Variants in SPRYD3 observed in about 807,000 individuals in gnomAD.
The protein encoded by SPRYD3 is SPRY domain containing 3, also known as SPRY domain-containing protein 3.
In SPRYD3, 17 loss-of-function variants were observed where a neutral mutation model predicts 50.1. That is an observed-to-expected ratio of 0.34 (90% CI 0.23 to 0.51). The LOEUF (loss-of-function observed/expected upper bound fraction) is 0.51, where lower values mean the gene tolerates loss of function less well. Among genes scored for constraint, SPRYD3 ranks in the 20% least tolerant of loss-of-function variants. SPRYD3 has a pLI of 0.97. For synonymous variants in SPRYD3, 198 were observed against 215.5 expected (o/e 0.92, Z 0.71); for missense variants, 401 against 591.2 (o/e 0.68, Z 3.34).
At chr12:53,075,539 C>T (rs1370385519) in intron 3 of SPRYD3, among the ~76,000 whole-genome samples, 197 bp downstream of exon 3, 2 of 152,120 alleles carry the variant, frequency 1.3e-5, no homozygotes, top group African/African-American at 2.4e-5. Flanking sequence ...GCAGAAGGGA[C>T]AGGGTGACAG....
Position 53,074,133 on chromosome 12 carries a change from G to A in SPRYD3, c.507+516C>T, listed in dbSNP as rs1387861787. On this transcript the variant is annotated intron_variant, in intron 5 of 10. Transcript: ENST00000301463. The surrounding 1 kb of genome is among the most constrained non-coding windows in gnomAD (Gnocchi z 4.6). ...TCCCAATGTGGGAGATGGAGTTGGA[G>A]AGAAGGGAGAGAGCTGTGTGTCTCT... Among the ~76,000 whole-genome samples, 1 of 152,188 alleles carries A rather than the reference G, an allele frequency of 6.6e-6. No individual in the cohort carries two copies. Among genetic ancestry groups the A allele is most frequent in the Non-Finnish European group, 1.5e-5 (1 of 68,016 alleles).
intron 3 of SPRYD3, 44 bp downstream of exon 3, chr12:53,075,686 TCTCACC>T: frequency 7.0e-7 from 1 of 1,424,292 alleles, no homozygotes; most frequent in Non-Finnish European, 9.9e-7. Context: ...GGCTTAATGA[TCTCACC>T]CCCAAGCTCA....
intron 8 of SPRYD3, among the ~76,000 whole-genome samples, chr12:53,066,953 T>C (rs886854672): frequency 1.3e-5 from 2 of 151,836 alleles, no homozygotes; most frequent in South Asian, 2.1e-4. Context: ...CTACTAAAAA[T>C]ACAAAAATTA....
At position 53,077,277 on chromosome 12, in the gene SPRYD3, G is replaced by C; in HGVS notation, c.24-16C>G. 4.3e-6 allele frequency: 7 copies of C among 1,614,026 alleles called. No homozygotes were observed. Among genetic ancestry groups the C allele is most frequent in the Non-Finnish European group, 5.9e-6 (7 of 1,179,910 alleles). The stretch of plus-strand genomic sequence containing the variant: ...GAGAACAAACCTGCCAAGGGGAGAA[G>C]GGGATTGAGGAGAAAGCAGGGCCCT... On this transcript the variant is annotated splice_polypyrimidine_tract_variant and intron_variant, in intron 1 of 10. Coordinates refer to ENST00000301463, the MANE Select transcript of SPRYD3 (RefSeq NM_032840.3).
chr12:53,077,316 C>T, intron 1 of SPRYD3, 55 bp from the exon 2 acceptor site: 2 of 1,599,340 alleles, frequency 1.3e-6, no homozygotes, highest in Non-Finnish European at 1.7e-6. Context: ...TAAAGCACCT[C>T]AGCCTCTGTG....
intron 3 of SPRYD3, 143 bp downstream of exon 3, chr12:53,075,593 T>G (rs1015469517): frequency 7.0e-5 from 48 of 684,956 alleles, no homozygotes; most frequent in Non-Finnish European, 1.0e-4. Flanking sequence ...CATGCTATCC[T>G]GCACCTATTT....
intron 1 of SPRYD3, among the ~76,000 whole-genome samples, chr12:53,077,748 G>C (rs1364474254): frequency 6.6e-6 from 1 of 152,190 alleles, no homozygotes; most frequent in African/African-American, 2.4e-5. Context: ...AAAAGGCATG[G>C]ACAGCTGGTA....
At chr12:53,072,268 C>A (rs4451799) in intron 6 of SPRYD3, among the ~76,000 whole-genome samples, 43,479 of 151,962 alleles carry the variant, frequency 0.29, 7,677 homozygotes, top group African/African-American at 0.51. Flanking sequence ...TGATGCCAGA[C>A]GGGGGTGCAG....
chr12:53,073,601 T>C (rs1381091008), intron 5 of SPRYD3, 130 bp from the exon 6 acceptor site: 24 of 634,870 alleles, frequency 3.8e-5, no homozygotes, highest in Non-Finnish European at 2.6e-6. Flanking sequence ...TCCCAGCACT[T>C]TGGGAGGCCG....
At chr12:53,072,888 C>A (rs1341227545) in intron 6 of SPRYD3, among the ~76,000 whole-genome samples, 1 of 152,204 alleles carries the variant, frequency 6.6e-6, no homozygotes, top group African/African-American at 2.4e-5. Context: ...GGACTTCTGA[C>A]CACACCTGCC....
intron 4 of SPRYD3, 26 bp downstream of exon 4, chr12:53,075,069 G>A (rs760428351): frequency 6.2e-7 from 1 of 1,606,354 alleles, no homozygotes; most frequent in African/African-American, 1.3e-5. Flanking sequence ...TAGGAAAAGG[G>A]CCGGGTTGCA....
intron 6 of SPRYD3, 29 bp downstream of exon 6, chr12:53,073,257 C>CCCCGGGGGGGGGGGGGGG: frequency 2.7e-6 from 1 of 363,996 alleles, no homozygotes; most frequent in Non-Finnish European, 5.1e-6. Context: ...TCCGACCCAG[C>CCCCGGGGGGGGGGGGGGG]CCCTCCCACC....
At chr12:53,077,395 T>C (rs1944597067) in intron 1 of SPRYD3, 134 bp from the exon 2 acceptor site, 2 of 838,044 alleles carry the variant, frequency 2.4e-6, no homozygotes, top group African/African-American at 3.4e-5. Flanking sequence ...ACCCTCATCT[T>C]CTTTCTTCCA....
At position 53,073,298 on chromosome 12, in the gene SPRYD3, T is replaced by A. The variant is rs753583069; in HGVS notation, c.681A>T (p.Arg227Ser). Reference protein sequence around the residue: ...EDEWGRLHDVRVCGTLLEYLG... With the variant: ...EDEWGRLHDVSVCGTLLEYLG... ...ACCCGCTACTTACAGTCCCACAGACTCTGACATCATGTAGCCGGCCCCATT... is the reference window on the plus strand; with the variant it reads ...ACCCGCTACTTACAGTCCCACAGACACTGACATCATGTAGCCGGCCCCATT... Residue 227 changes from arginine to serine, a missense_variant, in exon 6 of 11, where the codon AGA becomes AGT. Physicochemically the swap from Arg to Ser is moderately radical, Grantham distance 110. Coordinates refer to ENST00000301463, the MANE Select transcript of SPRYD3 (RefSeq NM_032840.3). 4.6e-5 allele frequency: 35 copies of A among 763,936 alleles called. No homozygotes were observed. Among genetic ancestry groups the A allele is most frequent in the Non-Finnish European group, 3.1e-5 (16 of 513,348 alleles). The allele number at this position is 763,936 out of a possible 1,614,324, so 47.3% of individuals were successfully genotyped here.
At chr12:53,075,336 A>T (rs78643284) in intron 3 of SPRYD3, 117 bp from the exon 4 acceptor site, 1 of 1,095,490 alleles carries the variant, frequency 9.1e-7, no homozygotes, top group South Asian at 1.6e-5. Flanking sequence ...GAAAAAGGAC[A>T]TGGGAATCAG....
chr12:53,073,182 C>A (rs767137865), intron 6 of SPRYD3, 104 bp downstream of exon 6: 1 of 744,360 alleles, frequency 1.3e-6, no homozygotes, highest in Non-Finnish European at 2.2e-6. Context: ...CGGACACTGT[C>A]CCGACTCCCC....
Position 53,069,282 on chromosome 12 carries a change from T to G in SPRYD3, c.694-978A>C, listed in dbSNP as rs867274959. Among the ~76,000 whole-genome samples, 11 of 152,002 alleles carry G rather than the reference T, an allele frequency of 7.2e-5. No individual in the cohort carries two copies. The South Asian group carries it at 2.3e-3, about 32-fold the overall frequency. On this transcript the variant is annotated intron_variant, in intron 6 of 10. Coordinates refer to ENST00000301463, the MANE Select transcript of SPRYD3 (RefSeq NM_032840.3). The stretch of plus-strand genomic sequence containing the variant: ...TGCCCCTCACGACTTTCTTCTACCC[T>G]CCCACCCCTGCAGCCCTGAAGGAAA...
Position 53,073,436 on chromosome 12 carries a change from T to C in SPRYD3, c.543A>G (p.Gly181=). Residue 181 remains glycine, a synonymous_variant, in exon 6 of 11, where the codon GGA becomes GGG. Transcript: ENST00000301463. ...AGTGCATGCCCACTGCTGGGAACAG[T>C]CCATCTGGGGACATGGGCATGATGG... is the stretch of plus-strand genomic sequence containing the variant. ...GSTIMPMSPD[G]LFPAVGMHSL... is the part of the protein sequence containing the mutation. The C allele has an allele frequency of 6.4e-7, 1 of 1,567,682 alleles. No homozygotes were observed. Among genetic ancestry groups the C allele is most frequent in the South Asian group, 1.2e-5 (1 of 85,266 alleles).
At chr12:53,071,327 G>C (rs935485074) in intron 6 of SPRYD3, among the ~76,000 whole-genome samples, 1 of 152,134 alleles carries the variant, frequency 6.6e-6, no homozygotes, top group Non-Finnish European at 1.5e-5. Context: ...CTGTGAACAG[G>C]GCACAAACAC....
Sources: gnomAD v4.1 joint callset for allele counts (sites outside exome capture counted in the v4.1 genomes callset) on GRCh38, gnomAD v4.1.1 for gene constraint, Gnocchi (gnomAD v3.1) non-coding constraint, MANE v1.5 for transcripts, NCBI Gene and HGNC (gene_info 2026-07-23, HGNC 2026-07-21) for gene names.